Variants in CELF4 observed in about 807,000 individuals in gnomAD.
The protein encoded by CELF4 is CUGBP Elav-like family member 4.
A neutral mutation model predicts 59.9 loss-of-function variants in CELF4; 18 were observed. That is an observed-to-expected ratio of 0.30 (90% confidence interval 0.21 to 0.45). The LOEUF (loss-of-function observed/expected upper bound fraction) is 0.45. Among genes scored for constraint, CELF4 ranks in the 20% least tolerant of loss-of-function variants. The probability of loss-of-function intolerance (pLI) is 1.00; values close to 1 mark genes in which losing one functional copy is unlikely to be tolerated. For synonymous variants in CELF4, 261 were observed against 267.1 expected, an observed-to-expected ratio of 0.98 and a Z score of 0.22; for missense variants, 456 against 689.0, an observed-to-expected ratio of 0.66 and a Z score of 3.79.
chr18:37,396,295 C>T (rs372290785), intron 2 of CELF4, among the ~76,000 whole-genome samples: 4 of 152,308 alleles, frequency 2.6e-5, no homozygotes, highest in African/African-American at 9.6e-5. Context: ...TCTTGTGCAG[C>T]CTGTGACCAC....
intron 1 of CELF4, among the ~76,000 whole-genome samples, chr18:37,529,623 G>GA (rs1480063971): frequency 5.3e-5 from 8 of 152,156 alleles, no homozygotes; most frequent in Admixed American, 5.2e-4. Flanking sequence ...AAGGGGAGCT[G>GA]ACAGTTTTGG....
At chr18:37,542,623 G>A (rs1393164596) in intron 1 of CELF4, among the ~76,000 whole-genome samples, 1 of 152,138 alleles carries the variant, frequency 6.6e-6, no homozygotes, top group Non-Finnish European at 1.5e-5. Context: ...AGGAAAACTG[G>A]GAACATTAAA....
chr18:37,405,683 G>A (rs778046955), intron 2 of CELF4, among the ~76,000 whole-genome samples: 1 of 152,210 alleles, frequency 6.6e-6, no homozygotes, highest in Admixed American at 6.5e-5. Flanking sequence ...TCAGTTTTAA[G>A]AACCTGTGGC....
intron 1 of CELF4, among the ~76,000 whole-genome samples, chr18:37,489,991 A>G (rs945788864): frequency 6.6e-6 from 1 of 152,176 alleles, no homozygotes; most frequent in African/African-American, 2.4e-5. Flanking sequence ...GCTGCTTGGA[A>G]TAGCAAAAAA....
intron 2 of CELF4, among the ~76,000 whole-genome samples, chr18:37,347,227 G>A (rs561661634): frequency 2.0e-5 from 3 of 152,198 alleles, no homozygotes; most frequent in South Asian, 4.1e-4. Context: ...CCAGAGCGTG[G>A]AGGAGGGGTG....
intron 2 of CELF4, among the ~76,000 whole-genome samples, chr18:37,450,190 A>C (rs1202958342): frequency 6.6e-6 from 1 of 152,050 alleles, no homozygotes; most frequent in African/African-American, 2.4e-5. Context: ...ATGGGAGTAC[A>C]TGTGGGTATA....
intron 2 of CELF4, among the ~76,000 whole-genome samples, chr18:37,437,707 C>T (rs1445514540): frequency 4.6e-5 from 7 of 152,142 alleles, no homozygotes; most frequent in South Asian, 2.1e-4. Context: ...GCCTCTATTT[C>T]CCAGTAGAGT....
chr18:37,266,705 C>T lies in CELF4; in HGVS notation c.1100-107G>A, dbSNP rs2077752438. The T allele has an allele frequency of 7.9e-6, 8 of 1,010,270 alleles. No homozygotes were observed. The South Asian group carries it at 9.5e-5, about 12-fold the overall frequency. The allele number at this position is 1,010,270 out of a possible 1,614,324, so 62.6% of individuals were successfully genotyped here. A position where few individuals can be genotyped will look rare whatever the true frequency, so the allele number is the denominator to read the frequency against. ...GCTGTACTGCCTTTTCTGGCTACTG[C>T]AGGCTGTGCCCTGGGGCAGGGCATC... On this transcript the variant is annotated intron_variant, in intron 8 of 12. Coordinates refer to ENST00000420428, the MANE Select transcript of CELF4 (RefSeq NM_020180.4).
intron 2 of CELF4, among the ~76,000 whole-genome samples, chr18:37,347,230 G>C (rs2098291667): frequency 6.6e-6 from 1 of 152,092 alleles, no homozygotes; most frequent in Non-Finnish European, 1.5e-5. Context: ...GAGCGTGGAG[G>C]AGGGGTGCAC....
intron 10 of CELF4, among the ~76,000 whole-genome samples, chr18:37,261,046 G>T (rs2074011905): frequency 6.6e-6 from 1 of 152,006 alleles, no homozygotes; most frequent in African/African-American, 2.4e-5. Context: ...ATGTGCCCTT[G>T]GTGGCCCCCA....
intron 3 of CELF4, among the ~76,000 whole-genome samples, chr18:37,301,650 G>C (rs2096047527): frequency 6.6e-6 from 1 of 152,196 alleles, no homozygotes; most frequent in Non-Finnish European, 1.5e-5. Flanking sequence ...TGGAGATGCA[G>C]AGGTGCTCAG....
At chr18:37,272,541 C>G (rs1033684269) in intron 7 of CELF4, among the ~76,000 whole-genome samples, 1 of 143,104 alleles carries the variant, frequency 7.0e-6, no homozygotes, top group African/African-American at 2.6e-5. Flanking sequence ...TTAGAAAAAG[C>G]CAGTGAGTCT....
In CELF4 at chr18:37,365,396, G is replaced by A. The variant is rs149816414; in HGVS notation, c.370-43515C>T. Among the ~76,000 whole-genome samples, 462 of 152,124 alleles carry A rather than the reference G, an allele frequency of 3.0e-3. 3 individuals are homozygous for A. The highest frequency in any genetic ancestry group is 4.8e-3 in the Non-Finnish European group (327 of 67,990). Reference sequence around the variant, plus strand: ...GCATGTCGCCCACCCCCTGTGAATTGAGGCTAGGAGCCAAGGGCTGGGGTG... The same window carrying A: ...GCATGTCGCCCACCCCCTGTGAATTAAGGCTAGGAGCCAAGGGCTGGGGTG... On this transcript the variant is annotated intron_variant, in intron 2 of 12. Coordinates refer to ENST00000420428, the MANE Select transcript of CELF4 (RefSeq NM_020180.4).
chr18:37,331,072 T>A (rs941157982), intron 2 of CELF4, among the ~76,000 whole-genome samples: 2 of 152,166 alleles, frequency 1.3e-5, no homozygotes, highest in African/African-American at 2.4e-5. Context: ...ATCTGATGCT[T>A]GTTGGGTCAG....
intron 2 of CELF4, among the ~76,000 whole-genome samples, chr18:37,345,931 GC>G (rs1475448680): frequency 6.6e-6 from 1 of 152,100 alleles, no homozygotes. Flanking sequence ...TGCATGCCTG[GC>G]CCCCGGAGCC....
chr18:37,325,508 G>C (rs895045759), intron 2 of CELF4, among the ~76,000 whole-genome samples: 2 of 152,196 alleles, frequency 1.3e-5, no homozygotes, highest in Non-Finnish European at 2.9e-5. Flanking sequence ...CCAGCCCACT[G>C]TCCTTGGCAT....
At chr18:37,484,005 T>C (rs1042228772) in intron 2 of CELF4, among the ~76,000 whole-genome samples, 7 of 152,110 alleles carry the variant, frequency 4.6e-5, no homozygotes, top group Admixed American at 2.6e-4. Context: ...TCCCAGCCTC[T>C]CCCCTTTCAA....
At chr18:37,372,398 G>A (rs551267128) in intron 2 of CELF4, among the ~76,000 whole-genome samples, 35 of 152,240 alleles carry the variant, frequency 2.3e-4, no homozygotes, top group Non-Finnish European at 3.5e-4. Context: ...ACCAAACACC[G>A]TATGTTCTCA....
intron 3 of CELF4, among the ~76,000 whole-genome samples, chr18:37,315,661 CAG>C (rs2096842582): frequency 6.6e-6 from 1 of 152,190 alleles, no homozygotes; most frequent in African/African-American, 2.4e-5. Flanking sequence ...TGGTCACTGA[CAG>C]AGGCACTGCA....
Sources: gnomAD v4.1 joint callset for allele counts (sites outside exome capture counted in the v4.1 genomes callset) on GRCh38, gnomAD v4.1.1 for gene constraint, MANE v1.5 for transcripts, NCBI Gene and HGNC (gene_info 2026-07-23, HGNC 2026-07-21) for gene names.